Variants in SYNRG observed in about 807,000 individuals in gnomAD.
SYNRG encodes the protein AP1 gamma subunit binding protein 1.
A neutral mutation model predicts 130.9 loss-of-function variants in SYNRG; 37 were observed. That is an observed-to-expected ratio of 0.28 (90% CI 0.22 to 0.37). The LOEUF (loss-of-function observed/expected upper bound fraction) is 0.37, where lower values mean the gene tolerates loss of function less well. SYNRG is among the 10% of genes least tolerant of loss of function. SYNRG has a pLI of 1.00. For synonymous variants in SYNRG, 539 were observed against 568.1 expected, an observed-to-expected ratio of 0.95 and a Z score of 0.73; for missense variants, 1,338 against 1,588.9, an observed-to-expected ratio of 0.84 and a Z score of 2.68.
Position 37,606,613 on chromosome 17 carries a change from C to A in SYNRG, c.77+2666G>T, listed in dbSNP as rs114206589. ...AAGCATTCAATGACTACAGACTAATCCAGATCTTTCAACTCTTTTTTTTTT... is the reference window on the plus strand; with the variant it reads ...AAGCATTCAATGACTACAGACTAATACAGATCTTTCAACTCTTTTTTTTTT... On this transcript the variant is annotated intron_variant, in intron 1 of 21. Coordinates refer to ENST00000612223, the MANE Select transcript of SYNRG (RefSeq NM_007247.6). Among the ~76,000 whole-genome samples, 437 of 152,164 alleles carry A rather than the reference C, an allele frequency of 2.9e-3. 2 individuals are homozygous for A. The highest frequency in any genetic ancestry group is 9.9e-3 in the African/African-American group (412 of 41,512).
chr17:37,525,693 A>T lies in SYNRG; in HGVS notation c.3667-5045T>A, dbSNP rs367981619. On this transcript the variant is annotated intron_variant, in intron 19 of 21. Coordinates refer to ENST00000612223, the MANE Select transcript of SYNRG (RefSeq NM_007247.6). ...ACTAAAAATACAAAAAAATGCCGGG[A>T]GCGGTGGCTCACACCTGTAATCTCA... Among the ~76,000 whole-genome samples the T allele has an allele frequency of 5.1e-4, 78 of 151,714 alleles. No individual in the cohort carries two copies. The Middle Eastern group carries it at 0.01, about 20-fold the overall frequency.
intron 1 of SYNRG, among the ~76,000 whole-genome samples, chr17:37,607,939 G>C (rs1405651946): frequency 1.7e-4 from 18 of 106,586 alleles, no homozygotes; most frequent in African/African-American, 6.5e-4. Context: ...CTGGGCAACA[G>C]AGCAAGACTT....
intron 6 of SYNRG, chr17:37,579,267 G>C (rs1174187621): frequency 2.3e-6 from 3 of 1,302,246 alleles, no homozygotes; most frequent in Admixed American, 4.6e-5. Context: ...GTATGCAACT[G>C]GCCAAGTGGG....
chr17:37,538,019 G>A (rs2057376328), intron 18 of SYNRG, among the ~76,000 whole-genome samples: 1 of 152,202 alleles, frequency 6.6e-6, no homozygotes, highest in African/African-American at 2.4e-5. Context: ...GGAATTGATG[G>A]GAGACAAGAT....
rs774212572 is a variant in SYNRG, at chr17:37,585,313, T to C, written c.477+12A>G. The C allele has an allele frequency of 8.1e-6, 13 of 1,605,242 alleles. No homozygotes were observed. Among genetic ancestry groups the C allele is most frequent in the Admixed American group, 5.1e-5 (3 of 58,954 alleles). On this transcript the variant is annotated intron_variant, in intron 5 of 21. Coordinates refer to ENST00000612223, the MANE Select transcript of SYNRG (RefSeq NM_007247.6). ...TGTATGTTCTGGGTGAAGAGAAGTA[T>C]TGAAATACTACCTTGGGTTTCACAC...
rs532717076 is a variant in SYNRG, at chr17:37,583,569, A to G, written c.589+1079T>C. Among the ~76,000 whole-genome samples, 4 of 152,368 alleles carry G rather than the reference A, an allele frequency of 2.6e-5. No individual in the cohort carries two copies. The South Asian group carries it at 6.2e-4, about 24-fold the overall frequency. Reference sequence around the variant, plus strand: ...AATACAAGGGTTCAAGATAAAATTTATCAATGCAACATTTTCCAGCAGAAG... The same window carrying G: ...AATACAAGGGTTCAAGATAAAATTTGTCAATGCAACATTTTCCAGCAGAAG... On this transcript the variant is annotated intron_variant, in intron 6 of 21. Coordinates refer to ENST00000612223, the MANE Select transcript of SYNRG (RefSeq NM_007247.6).
chr17:37,535,850 C>G, intron 19 of SYNRG, 129 bp downstream of exon 19: 1 of 1,258,124 alleles, frequency 7.9e-7, no homozygotes, highest in South Asian at 1.3e-5. Flanking sequence ...TGATCTCCCT[C>G]CTTTAATATA....
chr17:37,584,528 A>T, intron 6 of SYNRG, 120 bp downstream of exon 6: 1 of 753,624 alleles, frequency 1.3e-6, no homozygotes, highest in Non-Finnish European at 2.2e-6. Context: ...ATCTGTACTT[A>T]GCTTGAAGGA....
At chr17:37,575,853 A>AG (rs1293030029) in intron 8 of SYNRG, among the ~76,000 whole-genome samples, 2 of 151,732 alleles carry the variant, frequency 1.3e-5, no homozygotes, top group East Asian at 1.9e-4. Context: ...AAAAAAAAAA[A>AG]AAAAAAAGAG....
intron 8 of SYNRG, among the ~76,000 whole-genome samples, chr17:37,573,388 C>A (rs2060581417): frequency 6.6e-6 from 1 of 152,044 alleles, no homozygotes; most frequent in Middle Eastern, 3.2e-3. Context: ...GGGTGACAGA[C>A]TGGTTCCGTC....
Position 37,577,614 on chromosome 17 carries a change from C to T in SYNRG, c.590-1G>A, listed in dbSNP as rs1402076643. The T allele has an allele frequency of 2.5e-6, 4 of 1,610,982 alleles. No individual in the cohort carries two copies. The highest frequency in any genetic ancestry group is 3.4e-6 in the Non-Finnish European group (4 of 1,177,744). Reference sequence around the variant, plus strand: ...AGGAACTTCTCCTCCAAGGAAGGGCCTAAACAAAGAGCATGAAGGATTATT... The same window carrying T: ...AGGAACTTCTCCTCCAAGGAAGGGCTTAAACAAAGAGCATGAAGGATTATT... On this transcript the variant is annotated splice_acceptor_variant, in intron 6 of 21. Transcript: ENST00000612223. LOFTEE classifies it high-confidence loss of function.
In SYNRG at chr17:37,515,929, A is replaced by G. The variant is rs2143291799; in HGVS notation, c.*3011T>C. On this transcript the variant is annotated 3_prime_UTR_variant, in exon 22 of 22. Coordinates refer to ENST00000612223, the MANE Select transcript of SYNRG (RefSeq NM_007247.6). ...CCCTTCAAATATGTATATGTACACA[A>G]AATATTCAAATAATTAAAAATTCAC... The G allele has an allele frequency of 6.6e-6, 1 of 152,336 alleles. No homozygotes were observed. The highest frequency in any genetic ancestry group is 1.9e-4 in the East Asian group (1 of 5,194). 9.4% of individuals were successfully genotyped at this position (152,336 alleles called of 1,614,324 possible). A position where few individuals can be genotyped will look rare whatever the true frequency, so the allele number is the denominator to read the frequency against.
intron 11 of SYNRG, chr17:37,567,962 A>C (rs145724768): frequency 7.2e-5 from 11 of 152,280 alleles, no homozygotes; most frequent in African/African-American, 2.6e-4. Flanking sequence ...CTAGCACTTT[A>C]GGAGGTCAAG....
chr17:37,530,244 A>G (rs1018796007), intron 19 of SYNRG, among the ~76,000 whole-genome samples: 3 of 152,224 alleles, frequency 2.0e-5, no homozygotes, highest in Non-Finnish European at 4.4e-5. Flanking sequence ...CCCAGGCCTC[A>G]CCAGTATCTC....
At chr17:37,565,550 G>C (rs554280008) in intron 11 of SYNRG, among the ~76,000 whole-genome samples, 2 of 151,310 alleles carry the variant, frequency 1.3e-5, no homozygotes, top group East Asian at 3.9e-4. Flanking sequence ...GCCCAGTCTG[G>C]AAAGTGAGGA....
In SYNRG at chr17:37,553,993, T is replaced by A. The variant is rs760547514; in HGVS notation, c.1730A>T (p.Asp577Val). 1.9e-6 allele frequency: 3 copies of A among 1,608,922 alleles called. No individual in the cohort carries two copies. Among genetic ancestry groups the A allele is most frequent in the Admixed American group, 3.5e-5 (2 of 57,938 alleles). Residue 577 changes from aspartate (D) to valine (V), a missense_variant, in exon 14 of 22, where the codon GAT (aspartate) becomes GTT (valine). Physicochemically the swap from Asp to Val is radical, Grantham distance 152. Transcript: ENST00000612223. ...TGGTGGCTCTAGTGGTGATACACTA[T>A]CGGCTGTTTTAAAATCGGTGAAACC... ...DDGFTDFKTA[D>V]SVSPLEPPTK...
Position 37,535,987 on chromosome 17 carries a change from T to G in SYNRG, c.3658A>C (p.Thr1220Pro), listed in dbSNP as rs1312800640. 6.2e-7 allele frequency: 1 copy of G among 1,613,692 alleles called. No individual in the cohort carries two copies. Among genetic ancestry groups the G allele is most frequent in the Non-Finnish European group, 8.5e-7 (1 of 1,179,974 alleles). Reference sequence around the variant, plus strand: ...TTGTCTCATGGGCTTACTGTGAGTGTGGCGAGTGACATGAAGCCGATTAGG... The same window carrying G: ...TTGTCTCATGGGCTTACTGTGAGTGGGGCGAGTGACATGAAGCCGATTAGG... ...NNLIGFMSLA[T>P]LTPDENSLDF... The change falls in exon 19 of 22, where the codon ACA becomes CCA. Residue 1220 changes from threonine (T) to proline (P), a missense_variant. Thr to Pro is a conservative substitution (Grantham distance 38). This residue lies in a region of SYNRG where 1,146 missense variants were observed against 1,342.3 expected (regional missense o/e 0.85). Transcript: ENST00000612223.
chr17:37,536,282 A>C, intron 18 of SYNRG, 155 bp from the exon 19 acceptor site: 2 of 882,496 alleles, frequency 2.3e-6, no homozygotes, highest in Non-Finnish European at 3.3e-6. Flanking sequence ...CCACTTCTCA[A>C]TGCTGCTGTA....
At chr17:37,596,433 A>G (rs766264137) in intron 2 of SYNRG, 89 bp from the exon 3 acceptor site, 31 of 1,457,146 alleles carry the variant, frequency 2.1e-5, no homozygotes, top group Non-Finnish European at 2.9e-5. Flanking sequence ...GTTACTTGGC[A>G]GGAAGCAGAG....
Sources: allele counts gnomAD v4.1 joint callset (sites outside exome capture counted in the v4.1 genomes callset), GRCh38; gene constraint gnomAD v4.1.1; regional missense constraint gnomAD v4.1.1; transcripts MANE v1.5; gene names NCBI Gene and HGNC (gene_info 2026-07-23, HGNC 2026-07-21).